GRIK3: variants seen among roughly 807,000 people sequenced by gnomAD.
GRIK3 encodes glutamate ionotropic receptor kainate type subunit 3, also known as glutamate receptor ionotropic, kainate 3.
In GRIK3, 29 loss-of-function variants were observed where a neutral mutation model predicts 102.5. The observed-to-expected ratio is 0.28, with a 90% CI of 0.21 to 0.39. The LOEUF (loss-of-function observed/expected upper bound fraction) is 0.39, where lower values mean the gene tolerates loss of function less well. GRIK3 is among the 10% of genes least tolerant of loss of function. GRIK3 has a pLI of 1.00. For missense variants in GRIK3, 908 were observed against 1,252.4 expected (o/e 0.73, Z 4.15); for synonymous variants, 511 against 504.9 (o/e 1.01, Z -0.16).
chr1:37,010,644 C>G (rs1283098500), intron 1 of GRIK3, among the ~76,000 whole-genome samples: 2 of 152,102 alleles, frequency 1.3e-5, no homozygotes, highest in Non-Finnish European at 2.9e-5. Context: ...AGAAAGCACC[C>G]AGGAGTTGCC....
At chr1:36,832,906 C>T (rs1342544661) in intron 10 of GRIK3, among the ~76,000 whole-genome samples, 1 of 152,222 alleles carries the variant, frequency 6.6e-6, no homozygotes, top group African/African-American at 2.4e-5. Context: ...CAGTGGGCCC[C>T]CCTGCCCCCA....
chr1:37,006,217 C>A (rs903399204), intron 1 of GRIK3, among the ~76,000 whole-genome samples: 2 of 152,192 alleles, frequency 1.3e-5, no homozygotes, highest in African/African-American at 4.8e-5. Context: ...ATGTATGAAT[C>A]CTAGACCTTG....
At chr1:36,971,677 C>A (rs1476418738) in intron 1 of GRIK3, among the ~76,000 whole-genome samples, 1 of 152,126 alleles carries the variant, frequency 6.6e-6, no homozygotes, top group Non-Finnish European at 1.5e-5. Context: ...TTGCCCCAAT[C>A]CCAGGGAGGC....
At chr1:36,990,308 C>A (rs1360400775) in intron 1 of GRIK3, among the ~76,000 whole-genome samples, 4 of 152,206 alleles carry the variant, frequency 2.6e-5, no homozygotes, top group African/African-American at 9.7e-5. Flanking sequence ...ATCCGCTGAG[C>A]TAGGCTGTCC....
At chr1:36,998,201 T>C (rs1337783895) in intron 1 of GRIK3, among the ~76,000 whole-genome samples, 14 of 152,194 alleles carry the variant, frequency 9.2e-5, no homozygotes, top group Non-Finnish European at 1.5e-5. Context: ...TGATCCATAT[T>C]TGGGGACAGA....
At chr1:36,925,748 G>A (rs898158821) in intron 1 of GRIK3, among the ~76,000 whole-genome samples, 2 of 152,246 alleles carry the variant, frequency 1.3e-5, no homozygotes, top group Non-Finnish European at 2.9e-5. Context: ...AGCAGCAAAA[G>A]GCCATTTGGA....
intron 1 of GRIK3, among the ~76,000 whole-genome samples, chr1:36,900,892 C>T (rs574719606): frequency 2.4e-4 from 36 of 151,892 alleles, no homozygotes; most frequent in Non-Finnish European, 4.0e-4. Flanking sequence ...ATCTCGTGGA[C>T]ATTAAAAAGA....
At chr1:36,908,399 C>T (rs544746848) in intron 1 of GRIK3, among the ~76,000 whole-genome samples, 1 of 152,216 alleles carries the variant, frequency 6.6e-6, no homozygotes, top group African/African-American at 2.4e-5. Flanking sequence ...GGTCCTCCTG[C>T]TCCCTCTCCC....
chr1:36,870,845 C>T (rs1387895230), intron 4 of GRIK3, among the ~76,000 whole-genome samples: 1 of 151,596 alleles, frequency 6.6e-6, no homozygotes, highest in Non-Finnish European at 1.5e-5. Context: ...CTACATGGAC[C>T]CGGCAGAGGG....
chr1:36,923,163 A>G (rs1243326276), intron 1 of GRIK3, among the ~76,000 whole-genome samples: 1 of 152,254 alleles, frequency 6.6e-6, no homozygotes, highest in Admixed American at 6.5e-5. Context: ...TTCTGGTTAA[A>G]TTAACTGATT....
chr1:36,901,698 A>T (rs1641233452), intron 1 of GRIK3, among the ~76,000 whole-genome samples: 1 of 152,198 alleles, frequency 6.6e-6, no homozygotes, highest in Non-Finnish European at 1.5e-5. Context: ...GCTTTTCAAG[A>T]TCACACTGGA....
chr1:36,817,012 C>G (rs368138462), intron 13 of GRIK3, 48 bp downstream of exon 13: 3 of 1,333,550 alleles, frequency 2.2e-6, no homozygotes, highest in African/African-American at 2.9e-5. Context: ...GTAAAGGGTC[C>G]GGAGAGGATC....
chr1:36,845,932 C>T (rs893732487), intron 9 of GRIK3, among the ~76,000 whole-genome samples: 2 of 152,126 alleles, frequency 1.3e-5, no homozygotes, highest in Admixed American at 6.5e-5. Context: ...TCACGATGTG[C>T]ACACGGCACA....
At position 36,825,742 on chromosome 1, in the gene GRIK3, C is replaced by A. The variant is rs532266526; in HGVS notation, c.1615G>T (p.Gly539Cys). Residue 539 changes from glycine (G) to cysteine (C), a missense_variant, in exon 11 of 16, where the codon GGT becomes TGT. Coordinates refer to ENST00000373091, the MANE Select transcript of GRIK3 (RefSeq NM_000831.4). ...GGCTTTCGATACAGGATGCTCACAC[C>A]AAGTGTCATGAAGGGCTTGGAGAAG... ...IDFSKPFMTL[G>C]VSILYRKPNG... 1 of 1,613,994 alleles carries A rather than the reference C, an allele frequency of 6.2e-7. No homozygotes were observed. The highest frequency in any genetic ancestry group is 8.5e-7 in the Non-Finnish European group (1 of 1,179,942).
At chr1:37,029,056 C>T (rs1354995453) in intron 1 of GRIK3, among the ~76,000 whole-genome samples, 1 of 151,868 alleles carries the variant, frequency 6.6e-6, no homozygotes, top group Admixed American at 6.6e-5. Context: ...GGTGGGGCCC[C>T]AGGCAGAAGA....
intron 1 of GRIK3, among the ~76,000 whole-genome samples, chr1:37,018,786 T>C (rs1642679912): frequency 6.6e-6 from 1 of 151,726 alleles, no homozygotes. Context: ...ATGTATTAGG[T>C]AGATAAAGAA....
intron 1 of GRIK3, among the ~76,000 whole-genome samples, chr1:37,020,847 AC>A (rs1003397308): frequency 6.6e-6 from 1 of 152,076 alleles, no homozygotes; most frequent in East Asian, 1.9e-4. Flanking sequence ...GCCACCGGCT[AC>A]CCCCGGCCCT....
At chr1:36,954,279 C>T (rs1170957147) in intron 1 of GRIK3, among the ~76,000 whole-genome samples, 3 of 152,222 alleles carry the variant, frequency 2.0e-5, no homozygotes, top group East Asian at 3.8e-4. Flanking sequence ...TAGCCTAAGA[C>T]GTCTTGGAAT....
intron 1 of GRIK3, among the ~76,000 whole-genome samples, chr1:36,956,139 C>G (rs1273563869): frequency 6.6e-6 from 1 of 152,216 alleles, no homozygotes. Context: ...CTGCTCCCCG[C>G]CCTTTTCAAC....
Sources: allele counts gnomAD v4.1 joint callset (sites outside exome capture counted in the v4.1 genomes callset), GRCh38; gene constraint gnomAD v4.1.1; transcripts MANE v1.5; gene names NCBI Gene and HGNC (gene_info 2026-07-23, HGNC 2026-07-21).